SS18: variants seen among roughly 807,000 people sequenced by gnomAD.
SS18 encodes the protein protein SSXT.
A neutral mutation model predicts 72.5 loss-of-function variants in SS18; 28 were observed. The observed-to-expected ratio is 0.39, with a 90% CI of 0.29 to 0.53. The LOEUF is 0.53. SS18 is among the 20% of genes least tolerant of loss of function. The pLI is 0.76. For synonymous variants in SS18, 172 were observed against 164.2 expected (o/e 1.05, Z -0.37); for missense variants, 518 against 535.3 (o/e 0.97, Z 0.32).
At chr18:26,032,745 G>T (rs989882329) in intron 9 of SS18, among the ~76,000 whole-genome samples, 9 of 152,032 alleles carry the variant, frequency 5.9e-5, no homozygotes, top group Admixed American at 5.9e-4. Flanking sequence ...TATAATTATC[G>T]TACTATGCCC....
At chr18:26,085,740 T>A (rs564868318) in intron 2 of SS18, among the ~76,000 whole-genome samples, 186 of 151,848 alleles carry the variant, frequency 1.2e-3, no homozygotes, top group African/African-American at 4.3e-3. Context: ...TACTTTATAA[T>A]TTTTTTTATG....
chr18:26,041,121 T>C (rs2053715599), intron 5 of SS18, among the ~76,000 whole-genome samples: 1 of 152,198 alleles, frequency 6.6e-6, no homozygotes, highest in Non-Finnish European at 1.5e-5. Flanking sequence ...TATTAAAACA[T>C]AAGCTATAAC....
At chr18:26,078,009 C>A in intron 3 of SS18, 67 bp downstream of exon 3, 1 of 1,184,182 alleles carries the variant, frequency 8.4e-7, no homozygotes, top group Non-Finnish European at 1.2e-6. Context: ...AATCATTCAA[C>A]AAAAATGTGC....
At chr18:26,033,436 C>T (rs1343170305) in intron 9 of SS18, among the ~76,000 whole-genome samples, 1 of 150,724 alleles carries the variant, frequency 6.6e-6, no homozygotes, top group Non-Finnish European at 1.5e-5. Context: ...CGCTTGAACC[C>T]GGGAAGCAGA....
chr18:26,053,619 GACC>G (rs1299272794), intron 4 of SS18, among the ~76,000 whole-genome samples: 4 of 150,422 alleles, frequency 2.7e-5, no homozygotes. Context: ...GTAAGTAAAA[GACC>G]ACCACCAGTA....
In SS18 at chr18:26,052,605, G is replaced by T; in HGVS notation, c.607+19C>A. The T allele has an allele frequency of 6.3e-7, 1 of 1,586,792 alleles. No individual in the cohort carries two copies. Among genetic ancestry groups the T allele is most frequent in the South Asian group, 1.1e-5 (1 of 90,526 alleles). On this transcript the variant is annotated intron_variant, in intron 5 of 10. Coordinates refer to ENST00000415083, the MANE Select transcript of SS18 (RefSeq NM_001007559.3). ...GCTAATAGAGCACTCTAGTCAAGAA[G>T]GACATAAAGCTTAGTTACCTTGGTT... is the stretch of plus-strand genomic sequence containing the variant.
At chr18:26,044,426 C>T (rs1413185879) in intron 5 of SS18, among the ~76,000 whole-genome samples, 2 of 150,706 alleles carry the variant, frequency 1.3e-5, no homozygotes, top group Non-Finnish European at 2.9e-5. Flanking sequence ...CAGGTTCAAG[C>T]GATTCTCCTG....
At chr18:26,075,543 T>C (rs188615501) in intron 3 of SS18, among the ~76,000 whole-genome samples, 33 of 152,082 alleles carry the variant, frequency 2.2e-4, no homozygotes, top group Non-Finnish European at 4.0e-4. Flanking sequence ...ATTCAACATA[T>C]AAATTTTTAC....
At chr18:26,085,095 T>G (rs1210789000) in intron 2 of SS18, among the ~76,000 whole-genome samples, 1 of 152,224 alleles carries the variant, frequency 6.6e-6, no homozygotes, top group Non-Finnish European at 1.5e-5. Context: ...GGCTATGTAA[T>G]CGTTTGAAAA....
At chr18:26,034,078 T>A (rs1430662006) in intron 9 of SS18, among the ~76,000 whole-genome samples, 1 of 152,152 alleles carries the variant, frequency 6.6e-6, no homozygotes, top group Non-Finnish European at 1.5e-5. Context: ...CTTGACATTT[T>A]TAGAAAAATA....
At chr18:26,026,484 A>G (rs2053449221) in intron 10 of SS18, among the ~76,000 whole-genome samples, 1 of 152,168 alleles carries the variant, frequency 6.6e-6, no homozygotes, top group Admixed American at 6.5e-5. Context: ...CTAGAAATAT[A>G]ACACCTGATA....
At chr18:26,075,435 A>G (rs138533818) in intron 3 of SS18, among the ~76,000 whole-genome samples, 477 of 152,106 alleles carry the variant, frequency 3.1e-3, no homozygotes, top group Non-Finnish European at 4.5e-3. Flanking sequence ...CATTAAAAGT[A>G]TATCAGTATA....
chr18:26,019,033 G>A (rs2053298055), intron 10 of SS18, among the ~76,000 whole-genome samples: 1 of 152,080 alleles, frequency 6.6e-6, no homozygotes. Flanking sequence ...ATGACAGGAT[G>A]AGACAGAAAG....
At chr18:26,050,700 T>G (rs533328384) in intron 5 of SS18, among the ~76,000 whole-genome samples, 1 of 152,120 alleles carries the variant, frequency 6.6e-6, no homozygotes, top group South Asian at 2.1e-4. Flanking sequence ...CTAAAGAGAT[T>G]TTTAAAACAA....
intron 10 of SS18, among the ~76,000 whole-genome samples, chr18:26,030,330 T>C (rs2053523066): frequency 6.6e-6 from 1 of 152,240 alleles, no homozygotes; most frequent in African/African-American, 2.4e-5. Context: ...TATTGGCTCA[T>C]CCTTGGTACT....
rs2053277019 is a variant in SS18 at position 26,017,927 on chromosome 18, ACAT to A, written c.*424_*426del. On this transcript the variant is annotated 3_prime_UTR_variant, in exon 11 of 11. Transcript: ENST00000415083. ...CTTGCATATTCACCACATGAAATAAACATAATATACAAAATATTGCTGCTGTAA... is the reference window on the plus strand; with the variant it reads ...CTTGCATATTCACCACATGAAATAAAAATATACAAAATATTGCTGCTGTAA... The A allele has an allele frequency of 4.2e-6, 1 of 239,430 alleles. No individual in the cohort carries two copies. The highest frequency in any genetic ancestry group is 5.4e-5 in the Admixed American group (1 of 18,502). 14.8% of individuals were successfully genotyped at this position (239,430 alleles called of 1,614,324 possible). A position where few individuals can be genotyped will look rare whatever the true frequency, so the allele number is the denominator to read the frequency against.
At chr18:26,026,507 A>G (rs1329964504) in intron 10 of SS18, among the ~76,000 whole-genome samples, 1 of 151,704 alleles carries the variant, frequency 6.6e-6, no homozygotes, top group Non-Finnish European at 1.5e-5. Context: ...GGACATCTAC[A>G]AAAAACCCTA....
intron 3 of SS18, among the ~76,000 whole-genome samples, chr18:26,066,866 C>A (rs1174206937): frequency 6.6e-6 from 1 of 152,160 alleles, no homozygotes; most frequent in East Asian, 1.9e-4. Context: ...CTTTGTGGAA[C>A]TTTCCATAAT....
At position 26,016,817 on chromosome 18, in the gene SS18, G is replaced by C. The variant is rs557461848; in HGVS notation, c.*1537C>G. 14 of 231,786 alleles carry C rather than the reference G, an allele frequency of 6.0e-5. No individual in the cohort carries two copies. The South Asian group carries it at 2.2e-3, about 36-fold the overall frequency. 14.4% of individuals were successfully genotyped at this position (231,786 alleles called of 1,614,324 possible). A position where few individuals can be genotyped will look rare whatever the true frequency, so the allele number is the denominator to read the frequency against. On this transcript the variant is annotated 3_prime_UTR_variant, in exon 11 of 11. Coordinates refer to ENST00000415083, the MANE Select transcript of SS18 (RefSeq NM_001007559.3). ...ACACTCTCTCTCTCATACACACACAGAGACCCACTGAAATTCCTCCTTTTG... is the reference window on the plus strand; with the variant it reads ...ACACTCTCTCTCTCATACACACACACAGACCCACTGAAATTCCTCCTTTTG...
Sources: allele counts gnomAD v4.1 joint callset (sites outside exome capture counted in the v4.1 genomes callset), GRCh38; gene constraint gnomAD v4.1.1; transcripts MANE v1.5; gene names NCBI Gene and HGNC (gene_info 2026-07-23, HGNC 2026-07-21).